USP34: variants seen among roughly 807,000 people sequenced by gnomAD.
USP34 encodes the protein ubiquitin carboxyl-terminal hydrolase 34.
A neutral mutation model predicts 460.3 loss-of-function variants in USP34; 70 were observed. The ratio of observed to expected loss-of-function variants is 0.15; its 90% CI spans 0.13 to 0.19. The LOEUF is 0.19. Among genes scored for constraint, USP34 ranks in the 10% least tolerant of loss-of-function variants. The pLI, the probability that USP34 is intolerant of heterozygous loss-of-function variation, is 1.00. For missense variants in USP34, 3,985 were observed against 4,236.2 expected (o/e 0.94, Z 1.65); for synonymous variants, 1,647 against 1,405.3 (o/e 1.17, Z -3.85).
chr2:61,350,214 TGA>T, intron 12 of USP34, 44 bp downstream of exon 12: 1 of 1,541,780 alleles, frequency 6.5e-7, no homozygotes, highest in African/African-American at 1.4e-5. Context: ...CAAATCTGAG[TGA>T]GAAGCTCTCA....
At chr2:61,382,246 A>G (rs2103867341) in intron 6 of USP34, among the ~76,000 whole-genome samples, 1 of 152,286 alleles carries the variant, frequency 6.6e-6, no homozygotes, top group South Asian at 2.1e-4. Flanking sequence ...ATAGACTCCC[A>G]TTGAAAAAAT....
intron 5 of USP34, among the ~76,000 whole-genome samples, chr2:61,391,255 G>A (rs1693336687): frequency 1.3e-5 from 2 of 152,076 alleles, no homozygotes; most frequent in African/African-American, 4.8e-5. Flanking sequence ...AGACCAGCCT[G>A]GGGAACATGG....
chr2:61,340,630 T>C (rs1691566128), intron 16 of USP34, among the ~76,000 whole-genome samples: 1 of 152,158 alleles, frequency 6.6e-6, no homozygotes. Flanking sequence ...TTAAGGTATG[T>C]GGTAGAATCT....
intron 16 of USP34, among the ~76,000 whole-genome samples, chr2:61,341,347 A>G (rs1366143025): frequency 6.6e-6 from 1 of 152,212 alleles, no homozygotes; most frequent in Non-Finnish European, 1.5e-5. Flanking sequence ...TGGTAGGTAT[A>G]TATTTAACTT....
chr2:61,222,809 G>T, intron 64 of USP34, 146 bp from the exon 65 acceptor site: 2 of 766,584 alleles, frequency 2.6e-6, no homozygotes, highest in Non-Finnish European at 4.3e-6. Flanking sequence ...CGATCCTCCT[G>T]CCTCAGCCTC....
chr2:61,211,201 A>G (rs1687264541), intron 69 of USP34, among the ~76,000 whole-genome samples: 2 of 152,202 alleles, frequency 1.3e-5, no homozygotes, highest in Non-Finnish European at 2.9e-5. Context: ...ATAAAAAACA[A>G]CACTTCCAAG....
chr2:61,356,816 A>G (rs973302183), intron 10 of USP34, among the ~76,000 whole-genome samples: 3 of 152,218 alleles, frequency 2.0e-5, no homozygotes, highest in Admixed American at 1.3e-4. Context: ...TAGACTTAAC[A>G]TTAGTGAACT....
intron 5 of USP34, among the ~76,000 whole-genome samples, chr2:61,388,537 A>G (rs1693239551): frequency 6.6e-6 from 1 of 150,958 alleles, no homozygotes; most frequent in East Asian, 1.9e-4. Flanking sequence ...CAGGCGGATC[A>G]TGAGGTCAGG....
chr2:61,312,510 T>TAA (rs35145394), intron 25 of USP34, among the ~76,000 whole-genome samples: 5 of 135,382 alleles, frequency 3.7e-5, no homozygotes, highest in East Asian at 4.2e-4. Flanking sequence ...TACCTGAGTT[T>TAA]AAAAAAAAAA....
chr2:61,468,222 G>C (rs1695843437), intron 1 of USP34, among the ~76,000 whole-genome samples: 1 of 152,298 alleles, frequency 6.6e-6, no homozygotes, highest in African/African-American at 2.4e-5. Context: ...TTTCGCTCTT[G>C]TTGCCCAGGC....
intron 1 of USP34, among the ~76,000 whole-genome samples, chr2:61,424,226 T>A (rs1284290814): frequency 6.6e-6 from 1 of 152,216 alleles, no homozygotes; most frequent in African/African-American, 2.4e-5. Flanking sequence ...CCATTGCTCC[T>A]AGGCTACAAA....
At chr2:61,336,522 A>G (rs1300734418) in intron 18 of USP34, among the ~76,000 whole-genome samples, 1 of 151,518 alleles carries the variant, frequency 6.6e-6, no homozygotes, top group Non-Finnish European at 1.5e-5. Context: ...AAAAAAAAAA[A>G]CCTCAAGCTG....
chr2:61,411,708 TA>T, intron 2 of USP34, among the ~76,000 whole-genome samples: 1 of 152,190 alleles, frequency 6.6e-6, no homozygotes, highest in Non-Finnish European at 1.5e-5. Context: ...AAAGCCCGTT[TA>T]GCCCCAACAA....
Position 61,190,264 on chromosome 2 carries a change from T to C in USP34, c.9873+7A>G. ...AGTGTGTGCCGCCGCCTCTGCATAG[T>C]TCTTACCCCATTTAAAGAAGCACTT... On this transcript the variant is annotated splice_region_variant and intron_variant, in intron 78 of 79. Transcript: ENST00000398571. 2 of 1,611,132 alleles carry C rather than the reference T, an allele frequency of 1.2e-6. 1 individual carries two copies. Among genetic ancestry groups the C allele is most frequent in the Non-Finnish European group, 1.7e-6 (2 of 1,179,102 alleles).
chr2:61,232,653 A>C, intron 57 of USP34, 121 bp from the exon 58 acceptor site: 1 of 811,022 alleles, frequency 1.2e-6, no homozygotes. Flanking sequence ...CTTACCAGAA[A>C]AGTTTCTCTA....
At chr2:61,264,855 C>T (rs1689000402) in intron 43 of USP34, among the ~76,000 whole-genome samples, 1 of 152,016 alleles carries the variant, frequency 6.6e-6, no homozygotes, top group Non-Finnish European at 1.5e-5. Flanking sequence ...GAGACCTCAT[C>T]TCTATTTATT....
At chr2:61,195,037 T>TAATG (rs1686757999) in intron 75 of USP34, among the ~76,000 whole-genome samples, 1 of 149,732 alleles carries the variant, frequency 6.7e-6, no homozygotes, top group Non-Finnish European at 1.5e-5. Context: ...GGCAGGAGAA[T>TAATG]AATGAAACCC....
chr2:61,356,558 C>A (rs907795890), intron 10 of USP34, among the ~76,000 whole-genome samples: 1 of 152,012 alleles, frequency 6.6e-6, no homozygotes, highest in African/African-American at 2.4e-5. Flanking sequence ...CTGACACATG[C>A]CACAACACAG....
rs1039720183 is a variant in USP34, at chr2:61,188,702, TTCA to T, written c.10038_10040del (p.Asp3346del). The T allele has an allele frequency of 2.5e-6, 4 of 1,612,452 alleles. No homozygotes were observed. The highest frequency in any genetic ancestry group is 3.3e-5 in the Admixed American group (2 of 59,732). ...GCCGCCTTTTAATGGGAGTTGCTCC[TTCA>T]TCATCTGTGAAAACACATGCCAAAA... On this transcript the variant is annotated inframe_deletion, in exon 80 of 80. Transcript: ENST00000398571.
Sources: gnomAD v4.1 joint callset for allele counts (sites outside exome capture counted in the v4.1 genomes callset) on GRCh38, gnomAD v4.1.1 for gene constraint, MANE v1.5 for transcripts, NCBI Gene and HGNC (gene_info 2026-07-23, HGNC 2026-07-21) for gene names.